Variants in ADAMTS10 observed in about 807,000 individuals in gnomAD.
The protein encoded by ADAMTS10 is A disintegrin and metalloproteinase with thrombospondin motifs 10.
In ADAMTS10, 48 loss-of-function variants were observed where a neutral mutation model predicts 135.9. The observed-to-expected ratio is 0.35, with a 90% CI of 0.28 to 0.45. ADAMTS10 has a LOEUF of 0.45. Ranked by LOEUF, ADAMTS10 falls within the 20% of genes least tolerant of loss-of-function variation. The pLI, the probability that ADAMTS10 is intolerant of heterozygous loss-of-function variation, is 1.00. For missense variants in ADAMTS10, 1,131 were observed against 1,565.2 expected (o/e 0.72, Z 4.68); for synonymous variants, 621 against 647.5 (o/e 0.96, Z 0.62).
Position 8,585,068 on chromosome 19 carries a change from C to G in ADAMTS10, c.3043-14G>C, listed in dbSNP as rs1555736511. ...CTGTGCAGAGCACTGCGAGGGGGCACCACTCAGTTGCTGCCCCGCAGCCCC... is the reference window on the plus strand; with the variant it reads ...CTGTGCAGAGCACTGCGAGGGGGCAGCACTCAGTTGCTGCCCCGCAGCCCC... On this transcript the variant is annotated splice_polypyrimidine_tract_variant and intron_variant, in intron 24 of 25. Transcript: ENST00000597188. 1.6e-6 allele frequency: 2 copies of G among 1,257,066 alleles called. No homozygotes were observed. The highest frequency in any genetic ancestry group is 1.4e-5 in the South Asian group (1 of 72,754). 77.9% of individuals were successfully genotyped at this position (1,257,066 alleles called of 1,614,324 possible).
At chr19:8,586,776 C>A in intron 19 of ADAMTS10, 40 bp downstream of exon 19, 1 of 1,614,072 alleles carries the variant, frequency 6.2e-7, no homozygotes, top group Non-Finnish European at 8.5e-7. Flanking sequence ...GCCCTCCCCA[C>A]TGACCCCTAA....
intron 1 of ADAMTS10, among the ~76,000 whole-genome samples, chr19:8,609,809 C>T (rs1464207787): frequency 6.6e-6 from 1 of 151,904 alleles, no homozygotes; most frequent in African/African-American, 2.4e-5. Flanking sequence ...ACACACCCCG[C>T]GCAACCAGAG....
chr19:8,592,136 A>G (rs1244687752), intron 13 of ADAMTS10, 33 bp from the exon 14 acceptor site: 1 of 1,613,172 alleles, frequency 6.2e-7, no homozygotes, highest in African/African-American at 1.3e-5. Flanking sequence ...GAGTGAGTCC[A>G]GCCCGGAGGA....
At chr19:8,598,826 CG>C (rs2146087060) in intron 6 of ADAMTS10, among the ~76,000 whole-genome samples, 1 of 152,000 alleles carries the variant, frequency 6.6e-6, no homozygotes, top group East Asian at 1.9e-4. Flanking sequence ...CCACCCGCCT[CG>C]GCCTCCCAAA....
At chr19:8,604,936 C>A in intron 4 of ADAMTS10, 76 bp downstream of exon 4, 1 of 1,437,244 alleles carries the variant, frequency 7.0e-7, no homozygotes, top group Admixed American at 2.0e-5. Flanking sequence ...CCTTCTCTGC[C>A]CTCTATGTAG....
intron 6 of ADAMTS10, among the ~76,000 whole-genome samples, chr19:8,597,556 A>T (rs1555740573): frequency 6.6e-6 from 1 of 151,904 alleles, no homozygotes; most frequent in East Asian, 1.9e-4. Context: ...GGCCTCCCAT[A>T]GGGCTGGGAT....
intron 22 of ADAMTS10, 113 bp downstream of exon 22, chr19:8,586,009 T>A (rs1555736978): frequency 6.5e-7 from 1 of 1,550,048 alleles, no homozygotes; most frequent in African/African-American, 1.4e-5. Flanking sequence ...CTCGGCCCAC[T>A]GTCACTCCGA....
rs1555742436 is a variant in ADAMTS10 at position 8,605,591 on chromosome 19, C to T, written c.88+32G>A. 1.2e-6 allele frequency: 2 copies of T among 1,608,326 alleles called. No homozygotes were observed. The highest frequency in any genetic ancestry group is 8.5e-7 in the Non-Finnish European group (1 of 1,177,884). On this transcript the variant is annotated intron_variant, in intron 3 of 25. Coordinates refer to ENST00000597188, the MANE Select transcript of ADAMTS10 (RefSeq NM_030957.4). The surrounding 1 kb of genome is among the most constrained non-coding windows in gnomAD (Gnocchi z 7.7). ...AACTGGTCTCTTACATTTTTCGCTC[C>T]CTCCCCACCGCCACCACCAGACTTC...
At chr19:8,604,036 T>C (rs1300641237) in intron 4 of ADAMTS10, 152 bp from the exon 5 acceptor site, 1 of 736,964 alleles carries the variant, frequency 1.4e-6, no homozygotes. Flanking sequence ...TTAGTGTCCA[T>C]GCTATTTATT....
rs781906556 is a variant in ADAMTS10, at chr19:8,601,176, GC to G, written c.593-32del. ...GAACCCAGTAGAGCAATTAAGCCCTGCCCTGCTGGTGGGACGCAGAGCTGCC... is the reference window on the plus strand; with the variant it reads ...GAACCCAGTAGAGCAATTAAGCCCTGCCTGCTGGTGGGACGCAGAGCTGCC... On this transcript the variant is annotated intron_variant, in intron 5 of 25. Coordinates refer to ENST00000597188, the MANE Select transcript of ADAMTS10 (RefSeq NM_030957.4). This position sits in a 1 kb window ranked among gnomAD's most constrained non-coding sequence, Gnocchi z 4.6. The G allele has an allele frequency of 6.8e-5, 110 of 1,608,498 alleles. No individual in the cohort carries two copies. The highest frequency in any genetic ancestry group is 3.7e-4 in the Admixed American group (22 of 59,878).
intron 2 of ADAMTS10, among the ~76,000 whole-genome samples, chr19:8,606,119 G>A (rs1315958019): frequency 1.3e-5 from 2 of 152,224 alleles, no homozygotes; most frequent in Non-Finnish European, 2.9e-5. Context: ...GGAGTGCAGT[G>A]TTGTGATCAT....
At chr19:8,592,617 G>C in intron 13 of ADAMTS10, 146 bp downstream of exon 13, 1 of 829,696 alleles carries the variant, frequency 1.2e-6, no homozygotes, top group Admixed American at 2.1e-5. Context: ...CAGTAGGCGT[G>C]GCCACAGCCG....
chr19:8,592,164 C>T (rs1367092863), intron 13 of ADAMTS10, 61 bp from the exon 14 acceptor site: 1 of 1,611,580 alleles, frequency 6.2e-7, no homozygotes, highest in Non-Finnish European at 8.5e-7. Context: ...CGGCCCCATG[C>T]ACCGTTCCCC....
intron 18 of ADAMTS10, among the ~76,000 whole-genome samples, chr19:8,587,111 G>A (rs980521487): frequency 2.0e-5 from 3 of 151,966 alleles, no homozygotes; most frequent in Non-Finnish European, 2.9e-5. Context: ...ACTTGACCAG[G>A]TTTTACAGCT....
rs139798959 is a variant in ADAMTS10 at position 8,589,336 on chromosome 19, G to A, written c.2064C>T (p.Ser688=). 19 of 1,612,412 alleles carry A rather than the reference G, an allele frequency of 1.2e-5. No individual in the cohort carries two copies. The highest frequency in any genetic ancestry group is 2.2e-5 in the East Asian group (1 of 44,874). ...KHVGCDRVLG[S]DLREDKCRVC... ...CTCGGCACTTGTCCTCCCGCAGGTC[G>A]GAGCCCAGGACTCGGTCGCAGCCCA... Residue 688 remains serine, a synonymous_variant, in exon 18 of 26, where the codon TCC becomes TCT. Transcript: ENST00000597188.
chr19:8,604,896 A>G, intron 4 of ADAMTS10, 116 bp downstream of exon 4: 1 of 1,219,424 alleles, frequency 8.2e-7, no homozygotes, highest in East Asian at 2.5e-5. Context: ...TGATTGGCTC[A>G]AAACACTTAA....
In ADAMTS10 at chr19:8,589,482, C is replaced by A. The variant is rs376367684; in HGVS notation, c.2004G>T (p.Thr668=). Residue 668 remains threonine (T), a synonymous_variant, in exon 17 of 26, where the codon ACG becomes ACT. Transcript: ENST00000597188. ...ATTCGCCACTGACGCAAATGTCCACCGTGTCTGGACGGCAGGGTGTCCCGT... is the reference window on the plus strand; with the variant it reads ...ATTCGCCACTGACGCAAATGTCCACAGTGTCTGGACGGCAGGGTGTCCCGT... ...VVDGTPCRPD[T]VDICVSGECK... is the part of the protein sequence containing the mutation. 1.2e-6 allele frequency: 2 copies of A among 1,613,690 alleles called. No individual in the cohort carries two copies. The highest frequency in any genetic ancestry group is 1.7e-6 in the Non-Finnish European group (2 of 1,179,974).
intron 6 of ADAMTS10, 98 bp from the exon 7 acceptor site, chr19:8,597,415 C>A (rs944984068): frequency 9.2e-7 from 1 of 1,089,850 alleles, no homozygotes; most frequent in Non-Finnish European, 1.4e-6. Context: ...TCATCAGGCA[C>A]CTACTGTGTG....
intron 6 of ADAMTS10, among the ~76,000 whole-genome samples, chr19:8,598,565 ATTTTTTTTTTTT>A (rs34389376): frequency 1.6e-4 from 11 of 70,748 alleles, no homozygotes; most frequent in Non-Finnish European, 2.3e-4. Context: ...AATCCCCAGA[ATTTTTTTTTTTT>A]TTTTTTTTTT....
Sources: allele counts gnomAD v4.1 joint callset (sites outside exome capture counted in the v4.1 genomes callset), GRCh38; gene constraint gnomAD v4.1.1; non-coding constraint Gnocchi (gnomAD v3.1); transcripts MANE v1.5; gene names NCBI Gene and HGNC (gene_info 2026-07-23, HGNC 2026-07-21).